The following ZNF541 variants were observed in gnomAD, a reference collection of about 807,000 sequenced individuals.
ZNF541 encodes the protein zinc finger protein 541.
A neutral mutation model predicts 123.5 loss-of-function variants in ZNF541; 23 were observed. The ratio of observed to expected loss-of-function variants is 0.19; its 90% CI spans 0.13 to 0.26. ZNF541 has a LOEUF of 0.26. Among genes scored for constraint, ZNF541 ranks in the 10% least tolerant of loss-of-function variants. The probability of loss-of-function intolerance (pLI) is 1.00; values close to 1 mark genes in which losing one functional copy is unlikely to be tolerated. For synonymous variants in ZNF541, 751 were observed against 754.5 expected, an observed-to-expected ratio of 1.00 and a Z score of 0.08; for missense variants, 1,612 against 1,789.9, an observed-to-expected ratio of 0.90 and a Z score of 1.79.
Position 47,572,050 on chromosome 19 carries a change from C to T in ZNF541, c.-245-8G>A, listed in dbSNP as rs1443144823. Among the ~76,000 whole-genome samples the T allele has an allele frequency of 1.3e-5, 2 of 152,150 alleles. No individual in the cohort carries two copies. The highest frequency in any genetic ancestry group is 2.4e-5 in the African/African-American group (1 of 41,442). The stretch of plus-strand genomic sequence containing the variant: ...CTCCCAATTTCTTTTGCCCTGAAAG[C>T]AGGTGGTGGGAAGGAAGAAGCAGTC... On this transcript the variant is annotated splice_region_variant and splice_polypyrimidine_tract_variant and intron_variant, in intron 1 of 16. Coordinates refer to ENST00000391901, the MANE Select transcript of ZNF541 (RefSeq NM_001277075.3).
chr19:47,566,141 C>T (rs1157393142), intron 2 of ZNF541, among the ~76,000 whole-genome samples: 1 of 151,940 alleles, frequency 6.6e-6, no homozygotes, highest in Non-Finnish European at 1.5e-5. Flanking sequence ...TGTGCCACTG[C>T]ACTCCAGCCT....
chr19:47,554,164 G>A (rs997159544), intron 3 of ZNF541, among the ~76,000 whole-genome samples: 1 of 152,148 alleles, frequency 6.6e-6, no homozygotes, highest in Non-Finnish European at 1.5e-5. Flanking sequence ...CAGGTGTGGT[G>A]GTTCACACCT....
At chr19:47,538,912 C>A (rs1251248196) in intron 8 of ZNF541, among the ~76,000 whole-genome samples, 1 of 152,168 alleles carries the variant, frequency 6.6e-6, no homozygotes, top group Non-Finnish European at 1.5e-5. Context: ...CGAGACTGAT[C>A]ACTCGTAACT....
chr19:47,535,774 G>T (rs1233512397), intron 9 of ZNF541, among the ~76,000 whole-genome samples: 1 of 149,868 alleles, frequency 6.7e-6, no homozygotes, highest in Non-Finnish European at 1.5e-5. Flanking sequence ...CCAGGCTAAA[G>T]TGAAATGGCA....
At chr19:47,561,173 AAC>A (rs1170795243) in intron 2 of ZNF541, among the ~76,000 whole-genome samples, 7 of 152,206 alleles carry the variant, frequency 4.6e-5, no homozygotes, top group Admixed American at 2.0e-4. Context: ...AGAACTATAC[AAC>A]ACAGAGACTG....
In ZNF541 at chr19:47,538,383, CT is replaced by C; in HGVS notation, c.2852del (p.Lys951SerfsTer35). ...RDSKESSQQR[K>X]RKKRPPPSTA... ...TGGAGGGTGGGGGCCGCTTCTTCCGCTTTCTCTGCTGGCTGCTCTCCTTGCT... is the reference window on the plus strand; with the variant it reads ...TGGAGGGTGGGGGCCGCTTCTTCCGCTTCTCTGCTGGCTGCTCTCCTTGCT... On this transcript the variant is annotated frameshift_variant, in exon 9 of 17. Transcript: ENST00000391901. LOFTEE classifies it high-confidence loss of function. 6.5e-7 allele frequency: 1 copy of C among 1,544,104 alleles called. No homozygotes were observed. The highest frequency in any genetic ancestry group is 8.7e-7 in the Non-Finnish European group (1 of 1,143,084).
Position 47,521,338 on chromosome 19 carries a change from C to CT in ZNF541, c.3926dup (p.Arg1310AlafsTer31). 6.4e-7 allele frequency: 1 copy of CT among 1,551,744 alleles called. No homozygotes were observed. The highest frequency in any genetic ancestry group is 8.7e-7 in the Non-Finnish European group (1 of 1,147,004). On this transcript the variant is annotated frameshift_variant, in exon 17 of 17. Coordinates refer to ENST00000391901, the MANE Select transcript of ZNF541 (RefSeq NM_001277075.3). LOFTEE classifies it high-confidence loss of function. The surrounding 1 kb of genome is among the most constrained non-coding windows in gnomAD (Gnocchi z 4.2). The stretch of plus-strand genomic sequence containing the variant: ...CCACGTGGTCCTGAAGGCGGTGCCG[C>CT]TTCATATGGGCATTTCGACTCTTGA...
intron 9 of ZNF541, among the ~76,000 whole-genome samples, chr19:47,536,992 T>C (rs1324343031): frequency 6.6e-6 from 1 of 152,126 alleles, no homozygotes; most frequent in African/African-American, 2.4e-5. Context: ...AGGCTGCATA[T>C]TGTATGATTC....
At chr19:47,551,433 G>A (rs989485736) in intron 3 of ZNF541, among the ~76,000 whole-genome samples, 3 of 151,364 alleles carry the variant, frequency 2.0e-5, no homozygotes, top group Non-Finnish European at 2.9e-5. Flanking sequence ...ATTCACAGAC[G>A]CAATCATAGC....
intron 2 of ZNF541, among the ~76,000 whole-genome samples, chr19:47,570,602 C>T (rs1315352634): frequency 7.7e-6 from 1 of 130,164 alleles, no homozygotes; most frequent in African/African-American, 2.8e-5. Context: ...AAAAAAAAAG[C>T]GCATTTTGTT....
chr19:47,532,801 A>T (rs981335251), intron 10 of ZNF541, 108 bp downstream of exon 10: 4 of 1,004,490 alleles, frequency 4.0e-6, no homozygotes, highest in Non-Finnish European at 4.3e-6. Context: ...TAGGGAGCCT[A>T]TGTGAGTAAA....
intron 5 of ZNF541, among the ~76,000 whole-genome samples, chr19:47,542,766 T>TTTAGTA (rs2123104916): frequency 6.6e-6 from 1 of 152,082 alleles, no homozygotes; most frequent in Admixed American, 6.6e-5. Flanking sequence ...GCCAAGATGG[T>TTTAGTA]GAAACCTCGT....
intron 14 of ZNF541, among the ~76,000 whole-genome samples, chr19:47,522,406 A>G (rs1969079484): frequency 6.6e-6 from 1 of 152,226 alleles, no homozygotes; most frequent in Non-Finnish European, 1.5e-5. Context: ...CCACTCTAGA[A>G]GAAGGGGAGG....
At chr19:47,539,950 A>G (rs1328636269) in intron 7 of ZNF541, 72 bp from the exon 8 acceptor site, 1 of 1,501,022 alleles carries the variant, frequency 6.7e-7, no homozygotes, top group African/African-American at 1.4e-5. Flanking sequence ...TGCTTCAGCA[A>G]AAAAAGCTGT....
intron 2 of ZNF541, among the ~76,000 whole-genome samples, chr19:47,564,324 AT>A (rs1029130356): frequency 1.3e-5 from 2 of 152,248 alleles, no homozygotes; most frequent in Non-Finnish European, 2.9e-5. Context: ...CCATGCCTTG[AT>A]ATTTACATCC....
chr19:47,534,864 C>T (rs1390608841), intron 9 of ZNF541, among the ~76,000 whole-genome samples: 3 of 152,142 alleles, frequency 2.0e-5, no homozygotes, highest in Non-Finnish European at 4.4e-5. Context: ...GCTGGAAGAA[C>T]TGCATATACA....
intron 12 of ZNF541, 73 bp from the exon 13 acceptor site, chr19:47,529,725 C>T (rs1024773262): frequency 9.3e-6 from 13 of 1,393,794 alleles, no homozygotes; most frequent in Admixed American, 2.0e-5. Context: ...TCCCATTCAT[C>T]TGAAAAACAC....
chr19:47,565,776 C>T (rs1324785922), intron 2 of ZNF541, among the ~76,000 whole-genome samples: 1 of 152,200 alleles, frequency 6.6e-6, no homozygotes, highest in African/African-American at 2.4e-5. Flanking sequence ...GAGCTATACA[C>T]TTTAGGAACT....
Position 47,532,968 on chromosome 19 carries a change from T to C in ZNF541, c.3099A>G (p.Gln1033=), listed in dbSNP as rs994180671. ...CACAGATGCCAAAGGACCCATCCAC[T>C]TGATCTAGAAAGCACAGAGTGAAAA... The part of the protein sequence containing the change: ...PDQLISSMLD[Q]VDGSFGICVV... Residue 1033 remains glutamine (Q), a synonymous_variant, in exon 10 of 17, where the codon CAA becomes CAG. Coordinates refer to ENST00000391901, the MANE Select transcript of ZNF541 (RefSeq NM_001277075.3). The C allele has an allele frequency of 1.9e-6, 3 of 1,549,360 alleles. No homozygotes were observed. The highest frequency in any genetic ancestry group is 2.6e-6 in the Non-Finnish European group (3 of 1,145,776).
Sources: gnomAD v4.1 joint callset for allele counts (sites outside exome capture counted in the v4.1 genomes callset) on GRCh38, gnomAD v4.1.1 for gene constraint, Gnocchi (gnomAD v3.1) non-coding constraint, MANE v1.5 for transcripts, NCBI Gene and HGNC (gene_info 2026-07-23, HGNC 2026-07-21) for gene names.